The following TENM2 variants were observed in gnomAD, a reference collection of about 807,000 sequenced individuals.
The protein encoded by TENM2 is teneurin-2.
Under a neutral mutation model 245.2 loss-of-function variants are expected in TENM2, and 52 were observed. That is an observed-to-expected ratio of 0.21 (90% CI 0.17 to 0.27). The LOEUF (loss-of-function observed/expected upper bound fraction) is 0.27, where lower values mean the gene tolerates loss of function less well. Ranked by LOEUF, TENM2 falls within the 10% of genes least tolerant of loss-of-function variation. The pLI, the probability that TENM2 is intolerant of heterozygous loss-of-function variation, is 1.00. For missense variants in TENM2, 3,046 were observed against 3,666.8 expected, an observed-to-expected ratio of 0.83 and a Z score of 4.37; for synonymous variants, 1,363 against 1,438.9, an observed-to-expected ratio of 0.95 and a Z score of 1.19.
chr5:168,064,494 G>C (rs1790326030), intron 7 of TENM2, among the ~76,000 whole-genome samples: 1 of 152,180 alleles, frequency 6.6e-6, no homozygotes, highest in Admixed American at 6.5e-5. Context: ...GTAACTCTCT[G>C]TAACTGAGTG....
chr5:168,092,605 G>A (rs946160516), intron 8 of TENM2, among the ~76,000 whole-genome samples: 1 of 152,322 alleles, frequency 6.6e-6, no homozygotes, highest in Non-Finnish European at 1.5e-5. Context: ...CCAGAATTAG[G>A]TTAGGTACCA....
intron 17 of TENM2, among the ~76,000 whole-genome samples, chr5:168,201,551 T>C (rs530939426): frequency 1.3e-5 from 2 of 152,164 alleles, no homozygotes; most frequent in African/African-American, 4.8e-5. Flanking sequence ...ATTTCACCTG[T>C]AATATTTAAG....
chr5:168,260,214 C>G, intron 27 of TENM2, 69 bp from the exon 30 acceptor site: 1 of 1,574,640 alleles, frequency 6.4e-7, no homozygotes, highest in African/African-American at 1.3e-5. Flanking sequence ...TTTGTTCTCT[C>G]TTTAAGCTCT....
intron 12 of TENM2, among the ~76,000 whole-genome samples, chr5:168,158,508 G>C (rs932363114): frequency 6.6e-6 from 1 of 151,928 alleles, no homozygotes; most frequent in African/African-American, 2.4e-5. Context: ...TATGTCTAGG[G>C]CTAGGTTTCT....
chr5:167,081,624 T>C, the TENM2 span, among the ~76,000 whole-genome samples: 3 of 152,220 alleles, frequency 2.0e-5, no homozygotes, highest in South Asian at 6.2e-4. Flanking sequence ...AATAGGGATT[T>C]GCTAAGCACA....
At chr5:167,984,433 G>A (rs1783077599) in intron 4 of TENM2, among the ~76,000 whole-genome samples, 1 of 152,154 alleles carries the variant, frequency 6.6e-6, no homozygotes, top group East Asian at 1.9e-4. Context: ...TGAGGATGGT[G>A]GATCACGAGG....
intron 2 of TENM2, among the ~76,000 whole-genome samples, chr5:167,632,279 A>G (rs560186984): frequency 3.8e-4 from 58 of 152,196 alleles, no homozygotes; most frequent in Non-Finnish European, 6.9e-4. Flanking sequence ...CTATGGAGCA[A>G]AGCATCTTGG....
chr5:168,219,475 G>A (rs1257012486), intron 23 of TENM2, among the ~76,000 whole-genome samples: 1 of 152,086 alleles, frequency 6.6e-6, no homozygotes, highest in Non-Finnish European at 1.5e-5. Context: ...TAAAGCATTA[G>A]GTATATTAAA....
At chr5:167,100,316 C>T in the TENM2 span, among the ~76,000 whole-genome samples, 2 of 152,240 alleles carry the variant, frequency 1.3e-5, no homozygotes, top group Admixed American at 6.5e-5. Context: ...AGATCAGATG[C>T]CAGTGGCACC....
chr5:167,260,948 T>A, the TENM2 span, among the ~76,000 whole-genome samples: 2 of 152,218 alleles, frequency 1.3e-5, no homozygotes, highest in Non-Finnish European at 2.9e-5. Context: ...AACTAGGTCT[T>A]TAAATCCTCA....
upstream of TENM2, among the ~76,000 whole-genome samples, chr5:167,281,408 C>T (rs746991066): frequency 6.6e-6 from 1 of 151,968 alleles, no homozygotes; most frequent in Non-Finnish European, 1.5e-5. Context: ...AGCCACCGCA[C>T]CAGGCTGACA....
chr5:167,607,140 C>T (rs552515438), intron 2 of TENM2, among the ~76,000 whole-genome samples: 6 of 152,178 alleles, frequency 3.9e-5, no homozygotes, highest in South Asian at 2.1e-4. Context: ...CTGCTTCATT[C>T]GGCACTCTGA....
rs111350516 is a variant in TENM2 at position 168,181,702 on chromosome 5, A to T, written c.2570-8635A>T. ...TTTTTTTTTTTTTTTTTTGAGACAGAGTCTCGCTTTGTCACCCAGGCTGAA... is the reference window on the plus strand; with the variant it reads ...TTTTTTTTTTTTTTTTTTGAGACAGTGTCTCGCTTTGTCACCCAGGCTGAA... On this transcript the variant is annotated intron_variant, in intron 13 of 28. Coordinates refer to ENST00000518659, the Ensembl canonical transcript of TENM2. Among the ~76,000 whole-genome samples the T allele has an allele frequency of 5.2e-3, 620 of 119,512 alleles. 5 individuals carry two copies. The highest frequency in any genetic ancestry group is 0.019 in the African/African-American group (594 of 31,030). The allele number at this position is 119,512 out of a possible 152,430, so 78.4% of individuals were successfully genotyped here.
At chr5:167,445,163 A>T (rs1294174054) in intron 2 of TENM2, among the ~76,000 whole-genome samples, 1 of 151,972 alleles carries the variant, frequency 6.6e-6, no homozygotes, top group Non-Finnish European at 1.5e-5. Flanking sequence ...ATATCCCTAC[A>T]TTTCCCCATT....
intron 2 of TENM2, among the ~76,000 whole-genome samples, chr5:167,828,071 C>T (rs1167829117): frequency 6.6e-6 from 1 of 152,212 alleles, no homozygotes; most frequent in Non-Finnish European, 1.5e-5. Context: ...TTCAATAGCA[C>T]TTGGCCAGGC....
At chr5:167,368,975 G>A (rs906827478) in intron 1 of TENM2, among the ~76,000 whole-genome samples, 1 of 152,108 alleles carries the variant, frequency 6.6e-6, no homozygotes, top group Non-Finnish European at 1.5e-5. Flanking sequence ...GGATCCCCGC[G>A]CTGGTCTCCA....
At chr5:167,326,525 T>C (rs12152864) in intron 1 of TENM2, among the ~76,000 whole-genome samples, 84,803 of 150,962 alleles carry the variant, frequency 0.56, 23,989 homozygotes, top group Admixed American at 0.63. Flanking sequence ...ATTCAAAAAT[T>C]AGCCAGACGT....
chr5:168,051,131 T>C (rs1789047936), intron 6 of TENM2, among the ~76,000 whole-genome samples: 1 of 152,124 alleles, frequency 6.6e-6, no homozygotes, highest in African/African-American at 2.4e-5. Flanking sequence ...ATACAAGAGA[T>C]TTTAAAGGGC....
At chr5:167,471,234 G>C (rs1165431645) in intron 2 of TENM2, among the ~76,000 whole-genome samples, 1 of 151,980 alleles carries the variant, frequency 6.6e-6, no homozygotes, top group African/African-American at 2.4e-5. Flanking sequence ...GTACACTGAA[G>C]GGAGACTAAG....
Sources: allele counts gnomAD v4.1 joint callset (sites outside exome capture counted in the v4.1 genomes callset), GRCh38; gene constraint gnomAD v4.1.1; transcripts MANE v1.5; gene names NCBI Gene and HGNC (gene_info 2026-07-23, HGNC 2026-07-21).